Variants in CD55 observed in about 807,000 individuals in gnomAD.
CD55 encodes CD55 molecule (Cromer blood group).
A neutral mutation model predicts 45.8 loss-of-function variants in CD55; 41 were observed. The ratio of observed to expected loss-of-function variants is 0.90; its 90% confidence interval spans 0.70 to 1.16. The LOEUF is 1.16. Among genes scored for constraint, CD55 ranks in the 50% most tolerant of loss-of-function variants. The pLI is 0.00. For synonymous variants in CD55, 181 were observed against 181.1 expected (o/e 1.00, Z 0.01); for missense variants, 416 against 469.8 (o/e 0.89, Z 1.06).
At chr1:207,326,491 T>G (rs1440169245) in intron 4 of CD55, among the ~76,000 whole-genome samples, 1 of 152,218 alleles carries the variant, frequency 6.6e-6, no homozygotes, top group Non-Finnish European at 1.5e-5. Context: ...TTAAAAATGT[T>G]TAAAACACTT....
At chr1:207,343,725 ATT>A (rs1395936609) in intron 9 of CD55, among the ~76,000 whole-genome samples, 1 of 152,128 alleles carries the variant, frequency 6.6e-6, no homozygotes, top group Non-Finnish European at 1.5e-5. Flanking sequence ...TTCTTTGTGA[ATT>A]TTTTGTCCAG....
In CD55 at chr1:207,353,040, GTT is replaced by G. The variant is rs386369456; in HGVS notation, c.1082-6482_1082-6481del. Among the ~76,000 whole-genome samples, 267 of 47,398 alleles carry G rather than the reference GTT, an allele frequency of 5.6e-3. 1 individual carries two copies. Among genetic ancestry groups the G allele is most frequent in the Non-Finnish European group, 7.8e-3 (213 of 27,338 alleles). 31.1% of individuals were successfully genotyped at this position (47,398 alleles called of 152,430 possible). ...CGATGACTAGTTTCTCTATTACCAG[GTT>G]TTTTTTTTTTTTTTTTTTTTTTTGG... On this transcript the variant is annotated intron_variant, in intron 9 of 9. Transcript: ENST00000367064.
intron 6 of CD55, 80 bp from the exon 7 acceptor site, chr1:207,336,613 C>T (rs1364363359): frequency 6.6e-7 from 1 of 1,517,802 alleles, no homozygotes; most frequent in African/African-American, 1.4e-5. Context: ...AAAGGATAGC[C>T]ACAGAGCAAG....
rs150593464 is a variant in CD55 at position 207,337,003 on chromosome 1, C to T, written c.979+185C>T. The T allele has an allele frequency of 3.7e-4, 249 of 677,138 alleles. 2 individuals are homozygous for T. The East Asian group carries it at 5.3e-3, about 15-fold the overall frequency. The allele number at this position is 677,138 out of a possible 1,614,324, so 41.9% of individuals were successfully genotyped here. A position where few individuals can be genotyped will look rare whatever the true frequency, so the allele number is the denominator to read the frequency against. On this transcript the variant is annotated intron_variant, in intron 7 of 9. Transcript: ENST00000367064. ...GAGTCTCATCAACACCTCAAAGACACACCATAGTAAATGTTTCAGCTACAG... is the reference window on the plus strand; with the variant it reads ...GAGTCTCATCAACACCTCAAAGACATACCATAGTAAATGTTTCAGCTACAG...
At chr1:207,350,023 G>T (rs754631048) in intron 9 of CD55, 28 of 437,674 alleles carry the variant, frequency 6.4e-5, no homozygotes, top group Non-Finnish European at 1.2e-4. Flanking sequence ...TTATTTTGTG[G>T]TATGTTCCTT....
chr1:207,338,803 A>G (rs951897672), intron 8 of CD55, among the ~76,000 whole-genome samples: 3 of 152,272 alleles, frequency 2.0e-5, no homozygotes, highest in African/African-American at 7.2e-5. Context: ...GCACAGTTTA[A>G]TCCTGCACTT....
At chr1:207,325,300 G>A (rs1324344085) in intron 3 of CD55, among the ~76,000 whole-genome samples, 3 of 141,930 alleles carry the variant, frequency 2.1e-5, no homozygotes, top group East Asian at 4.0e-4. Context: ...ATGTCACCGC[G>A]CTCCAGCCTG....
chr1:207,325,652 G>A lies in CD55; in HGVS notation c.509G>A (p.Arg170Gln), dbSNP rs752481959. ...TCATGCCCTAATCCGGGAGAAATAC[G>A]AAATGGTCAGATTGATGTACCAGGT... ...KKSCPNPGEI[R>Q]NGQIDVPGGI... Residue 170 changes from arginine to glutamine, a missense_variant, in exon 4 of 10, where the codon CGA becomes CAA. By Grantham distance (43) the Arg-to-Gln change is conservative. Transcript: ENST00000367064. 9.9e-6 allele frequency: 16 copies of A among 1,609,166 alleles called. No homozygotes were observed. Among genetic ancestry groups the A allele is most frequent in the South Asian group, 4.4e-5 (4 of 90,346 alleles).
intron 9 of CD55, among the ~76,000 whole-genome samples, chr1:207,341,360 A>G (rs2782834): frequency 0.99 from 151,386 of 152,322 alleles, 75,236 homozygotes; most frequent in Middle Eastern, 1. Flanking sequence ...GTCCTGTAGC[A>G]TCTTCCTGAT....
At chr1:207,343,235 TCTTC>T (rs1301521193) in intron 9 of CD55, among the ~76,000 whole-genome samples, 1 of 152,150 alleles carries the variant, frequency 6.6e-6, no homozygotes, top group African/African-American at 2.4e-5. Flanking sequence ...GTTGGTTTGT[TCTTC>T]CTTCTCTAGT....
At chr1:207,331,569 TA>T (rs2102397185) in intron 6 of CD55, among the ~76,000 whole-genome samples, 1 of 152,316 alleles carries the variant, frequency 6.6e-6, no homozygotes, top group African/African-American at 2.4e-5. Flanking sequence ...TGCTGTTTTA[TA>T]CCATGTTGCT....
intron 5 of CD55, among the ~76,000 whole-genome samples, chr1:207,330,306 C>T (rs1278881478): frequency 6.8e-6 from 1 of 147,142 alleles, no homozygotes; most frequent in Non-Finnish European, 1.5e-5. Context: ...TTGGCATACA[C>T]ACATATTAAA....
chr1:207,355,163 A>G lies in CD55; in HGVS notation c.1082-4383A>G, dbSNP rs147624653. 2.0e-3 allele frequency among the ~76,000 whole-genome samples: 312 copies of G among 152,260 alleles called. 1 individual carries two copies. The highest frequency in any genetic ancestry group is 4.2e-3 in the Admixed American group (64 of 15,296). The stretch of plus-strand genomic sequence containing the variant: ...AGAAATAGCTGTTTTTTAAATCACA[A>G]TTTTCACATGGCAGTGCAATTGTAC... On this transcript the variant is annotated intron_variant, in intron 9 of 9. Transcript: ENST00000367064.
At chr1:207,334,664 C>G (rs1238325832) in intron 6 of CD55, among the ~76,000 whole-genome samples, 2 of 152,026 alleles carry the variant, frequency 1.3e-5, no homozygotes, top group Non-Finnish European at 2.9e-5. Flanking sequence ...ATATTGTGAT[C>G]TCTAGGGTTG....
intron 3 of CD55, among the ~76,000 whole-genome samples, chr1:207,325,239 G>A (rs1654620881): frequency 6.6e-6 from 1 of 151,390 alleles, no homozygotes; most frequent in Admixed American, 6.6e-5. Context: ...GAAGGCTGAG[G>A]CAGGAGAATC....
At position 207,359,751 on chromosome 1, in the gene CD55, A is replaced by T. The variant is rs1656224120; in HGVS notation, c.*141A>T. 8.7e-7 allele frequency: 1 copy of T among 1,146,398 alleles called. No individual in the cohort carries two copies. The allele number at this position is 1,146,398 out of a possible 1,614,324, so 71.0% of individuals were successfully genotyped here. On this transcript the variant is annotated 3_prime_UTR_variant, in exon 10 of 10. Coordinates refer to ENST00000367064, the MANE Select transcript of CD55 (RefSeq NM_000574.5). ...TCATTGTCTTTAAGATGTGTTAGGA[A>T]TGTCAACAGAGCAAGGAGAAAAAAG...
chr1:207,348,385 TTA>T (rs1051934127), intron 9 of CD55, among the ~76,000 whole-genome samples: 2 of 152,228 alleles, frequency 1.3e-5, no homozygotes, highest in Non-Finnish European at 2.9e-5. Context: ...AAGTGTCTGT[TTA>T]TGTCCTTTGC....
intron 9 of CD55, chr1:207,354,161 T>C (rs1219695567): frequency 7.0e-7 from 1 of 1,437,316 alleles, no homozygotes; most frequent in Non-Finnish European, 9.2e-7. Flanking sequence ...TATATATTAA[T>C]GTAGTATCTG....
chr1:207,330,113 CGT>C (rs1654876037), intron 5 of CD55, among the ~76,000 whole-genome samples: 2 of 152,080 alleles, frequency 1.3e-5, no homozygotes, highest in Non-Finnish European at 1.5e-5. Flanking sequence ...AAATGCCTGG[CGT>C]GTGTTAGGCA....
Sources: gnomAD v4.1 joint callset for allele counts (sites outside exome capture counted in the v4.1 genomes callset) on GRCh38, gnomAD v4.1.1 for gene constraint, MANE v1.5 for transcripts, NCBI Gene and HGNC (gene_info 2026-07-23, HGNC 2026-07-21) for gene names.